Variants in NR3C1 observed in about 807,000 individuals in gnomAD.
NR3C1 encodes the protein glucocorticoid receptor.
Under a neutral mutation model 74.0 loss-of-function variants are expected in NR3C1, and 14 were observed. The observed-to-expected ratio is 0.19, with a 90% CI of 0.12 to 0.30. The LOEUF is 0.30. Ranked by LOEUF, NR3C1 falls within the 10% of genes least tolerant of loss-of-function variation. NR3C1 has a pLI of 1.00. For synonymous variants in NR3C1, 308 were observed against 332.5 expected, an observed-to-expected ratio of 0.93 and a Z score of 0.80; for missense variants, 695 against 909.8, an observed-to-expected ratio of 0.76 and a Z score of 3.04.
intron 2 of NR3C1, among the ~76,000 whole-genome samples, chr5:143,388,666 G>C (rs1837697726): frequency 6.6e-6 from 1 of 152,186 alleles, no homozygotes; most frequent in African/African-American, 2.4e-5. Flanking sequence ...TTAAATGAGA[G>C]AGTAAACCAT....
intron 7 of NR3C1, among the ~76,000 whole-genome samples, chr5:143,290,722 C>T (rs1027306147): frequency 1.3e-5 from 2 of 152,028 alleles, no homozygotes; most frequent in African/African-American, 4.8e-5. Flanking sequence ...CATGCACCAC[C>T]ACACCCGGCT....
chr5:143,359,758 A>G (rs963962315), intron 2 of NR3C1, among the ~76,000 whole-genome samples: 4 of 152,044 alleles, frequency 2.6e-5, no homozygotes, highest in Non-Finnish European at 5.9e-5. Flanking sequence ...TCTCTACTAA[A>G]AATACAAAAA....
chr5:143,318,151 G>A (rs958203418), intron 2 of NR3C1, among the ~76,000 whole-genome samples: 3 of 152,050 alleles, frequency 2.0e-5, no homozygotes, highest in Non-Finnish European at 4.4e-5. Context: ...TACCCCCAAG[G>A]ATTACCTTCT....
In NR3C1 at chr5:143,372,403, G is replaced by C. The variant is rs1410982476; in HGVS notation, c.1184+27253C>G. ...ACCTGGATGGCTACCAAGTGACTAA[G>C]GGGCAGGCAGCACCTACAGCATGGA... On this transcript the variant is annotated intron_variant, in intron 2 of 8. Coordinates refer to ENST00000394464, the MANE Select transcript of NR3C1 (RefSeq NM_000176.3). Among the ~76,000 whole-genome samples the C allele has an allele frequency of 2.6e-5, 4 of 152,296 alleles. No individual in the cohort carries two copies. The South Asian group carries it at 6.2e-4, about 24-fold the overall frequency.
intron 2 of NR3C1, among the ~76,000 whole-genome samples, chr5:143,323,819 G>A (rs1371314825): frequency 6.6e-6 from 1 of 152,088 alleles, no homozygotes; most frequent in East Asian, 1.9e-4. Flanking sequence ...GTTAAATACA[G>A]CTGTTCCAAA....
In NR3C1 at chr5:143,331,595, C is replaced by T. The variant is rs147733194; in HGVS notation, c.1185-17427G>A. Among the ~76,000 whole-genome samples, 197 of 152,254 alleles carry T rather than the reference C, an allele frequency of 1.3e-3. 1 individual carries two copies. The highest frequency in any genetic ancestry group is 4.4e-3 in the African/African-American group (183 of 41,552). ...GGTACATATACACCATGGAATTCTA[C>T]ACAGCGATAAAAAGAATGAAATCAT... On this transcript the variant is annotated intron_variant, in intron 2 of 8. Transcript: ENST00000394464.
At chr5:143,425,245 A>C (rs1202980001) in intron 1 of NR3C1, among the ~76,000 whole-genome samples, 1 of 152,212 alleles carries the variant, frequency 6.6e-6, no homozygotes, top group Admixed American at 6.6e-5. Context: ...TAAATGTAAA[A>C]GCTAAAATTA....
At chr5:143,335,540 T>G (rs1343698041) in intron 2 of NR3C1, among the ~76,000 whole-genome samples, 1 of 152,232 alleles carries the variant, frequency 6.6e-6, no homozygotes, top group African/African-American at 2.4e-5. Context: ...AAGTCGCCAT[T>G]CTTTTGACAG....
chr5:143,427,718 C>CATGTCTCCTA (rs1454337072), intron 1 of NR3C1, among the ~76,000 whole-genome samples: 1 of 152,226 alleles, frequency 6.6e-6, no homozygotes, highest in Admixed American at 6.5e-5. Context: ...ACCTTCTGAA[C>CATGTCTCCTA]ATGTCTCCTA....
At chr5:143,385,780 A>T (rs1837095065) in intron 2 of NR3C1, among the ~76,000 whole-genome samples, 1 of 152,214 alleles carries the variant, frequency 6.6e-6, no homozygotes, top group Non-Finnish European at 1.5e-5. Context: ...ACATGTCTCT[A>T]GGAAGTTCCA....
intron 2 of NR3C1, among the ~76,000 whole-genome samples, chr5:143,340,751 GGTTA>G: frequency 2.0e-5 from 3 of 151,998 alleles, no homozygotes; most frequent in African/African-American, 7.2e-5. Context: ...AAAGTGCTGG[GGTTA>G]CAGACATGGG....
chr5:143,401,446 G>A (rs527295373), intron 1 of NR3C1: 22 of 157,202 alleles, frequency 1.4e-4, no homozygotes, highest in Non-Finnish European at 2.8e-4. Flanking sequence ...AAACAATGCT[G>A]ATCTGCTTAT....
chr5:143,376,674 A>G (rs1835261055), intron 2 of NR3C1, among the ~76,000 whole-genome samples: 1 of 152,156 alleles, frequency 6.6e-6, no homozygotes, highest in Non-Finnish European at 1.5e-5. Flanking sequence ...TGATCATCCA[A>G]AATTTTTAGG....
rs547011045 is a variant in NR3C1, at chr5:143,375,460, C to G, written c.1184+24196G>C. Among the ~76,000 whole-genome samples the G allele has an allele frequency of 2.6e-5, 4 of 152,192 alleles. No homozygotes were observed. In the South Asian group the frequency reaches 8.3e-4, roughly 32 times the overall value. ...GCCTAGTTAAATATATTATGGTATA[C>G]CCATATGGCTATTAGAAAGAATGAG... On this transcript the variant is annotated intron_variant, in intron 2 of 8. Coordinates refer to ENST00000394464, the MANE Select transcript of NR3C1 (RefSeq NM_000176.3).
chr5:143,355,140 A>G (rs1469058307), intron 2 of NR3C1, among the ~76,000 whole-genome samples: 1 of 152,136 alleles, frequency 6.6e-6, no homozygotes, highest in Non-Finnish European at 1.5e-5. Context: ...CAAAATAAAC[A>G]CGCAATATTT....
At chr5:143,296,460 C>T (rs904186159) in intron 6 of NR3C1, among the ~76,000 whole-genome samples, 3 of 152,140 alleles carry the variant, frequency 2.0e-5, no homozygotes, top group African/African-American at 7.2e-5. Flanking sequence ...CGAAGAGGCA[C>T]CTCCCTAGTC....
At chr5:143,428,010 C>T (rs1435957524) in intron 1 of NR3C1, among the ~76,000 whole-genome samples, 2 of 152,232 alleles carry the variant, frequency 1.3e-5, no homozygotes, top group African/African-American at 2.4e-5. Flanking sequence ...GAATGGGCTT[C>T]TCACATGTGG....
Position 143,280,866 on chromosome 5 carries a change from G to GT in NR3C1, c.*1022dup, listed in dbSNP as rs1812976556. On this transcript the variant is annotated 3_prime_UTR_variant, in exon 9 of 9. Coordinates refer to ENST00000394464, the MANE Select transcript of NR3C1 (RefSeq NM_000176.3). ...TATCTGGAATCACAACTTTTAAGAA[G>GT]TTATACAAACTACTTCAAAAGGTCC... 6.6e-6 allele frequency: 1 copy of GT among 152,158 alleles called. No homozygotes were observed. Among genetic ancestry groups the GT allele is most frequent in the Admixed American group, 6.6e-5 (1 of 15,262 alleles). 9.4% of individuals were successfully genotyped at this position (152,158 alleles called of 1,614,324 possible). A position where few individuals can be genotyped will look rare whatever the true frequency, so the allele number is the denominator to read the frequency against.
intron 5 of NR3C1, 116 bp from the exon 6 acceptor site, chr5:143,298,928 G>C: frequency 6.6e-6 from 6 of 907,134 alleles, no homozygotes; most frequent in Non-Finnish European, 1.7e-6. Context: ...ACCCCTAACA[G>C]AAAATGGAAA....
Sources: allele counts gnomAD v4.1 joint callset (sites outside exome capture counted in the v4.1 genomes callset), GRCh38; gene constraint gnomAD v4.1.1; transcripts MANE v1.5; gene names NCBI Gene and HGNC (gene_info 2026-07-23, HGNC 2026-07-21).